Variants in DNAH14 observed in about 807,000 individuals in gnomAD.
The protein encoded by DNAH14 is axonemal beta dynein heavy chain 14.
A neutral mutation model predicts 520.9 loss-of-function variants in DNAH14; 478 were observed. The ratio of observed to expected loss-of-function variants is 0.92; its 90% CI spans 0.85 to 0.99. The LOEUF (loss-of-function observed/expected upper bound fraction) is 0.99, where lower values mean the gene tolerates loss of function less well. DNAH14 is among the 50% of genes least tolerant of loss of function. DNAH14 has a pLI of 0.00. For missense variants in DNAH14, 4,831 were observed against 5,234.5 expected (o/e 0.92, Z 2.38); for synonymous variants, 1,581 against 1,757.2 (o/e 0.90, Z 2.51).
intron 49 of DNAH14, among the ~76,000 whole-genome samples, chr1:225,268,688 A>G (rs1428244550): frequency 6.6e-6 from 1 of 152,092 alleles, no homozygotes. Flanking sequence ...CCAATAACAG[A>G]CAAACAGAGA....
chr1:225,347,633 G>A (rs2150435698), intron 71 of DNAH14, among the ~76,000 whole-genome samples: 1 of 152,300 alleles, frequency 6.6e-6, no homozygotes, highest in Non-Finnish European at 1.5e-5. Context: ...TAGACCTGCA[G>A]TTTCACAGGG....
rs2095761896 is a variant in DNAH14 at position 225,380,142 on chromosome 1, CTT to C, written c.12717-16_12717-15del. ...TTCCTGTTCTGTGTCTCATTCTTCT[CTT>C]GGTTTTTTTTGCAGACCTGAGCAGA... On this transcript the variant is annotated splice_polypyrimidine_tract_variant and intron_variant, in intron 79 of 85. Transcript: ENST00000682510. 1 of 1,541,196 alleles carries C rather than the reference CTT, an allele frequency of 6.5e-7. No homozygotes were observed. The highest frequency in any genetic ancestry group is 1.4e-5 in the African/African-American group (1 of 72,542).
intron 60 of DNAH14, among the ~76,000 whole-genome samples, chr1:225,312,474 ATAT>A (rs1359715424): frequency 7.9e-5 from 12 of 152,134 alleles, no homozygotes; most frequent in African/African-American, 2.7e-4. Flanking sequence ...AGATCTTCCA[ATAT>A]TATATTGAAT....
intron 34 of DNAH14, among the ~76,000 whole-genome samples, chr1:225,154,756 T>C (rs1019415005): frequency 1.3e-5 from 2 of 152,086 alleles, no homozygotes; most frequent in Non-Finnish European, 2.9e-5. Context: ...TATGTCCTTT[T>C]TTCTTGGAGT....
intron 71 of DNAH14, among the ~76,000 whole-genome samples, chr1:225,350,569 G>A (rs891708701): frequency 6.6e-6 from 1 of 151,834 alleles, no homozygotes. Flanking sequence ...AGAAAGGGAC[G>A]ACATTAAAGT....
intron 13 of DNAH14, among the ~76,000 whole-genome samples, chr1:225,043,405 A>C (rs777073668): frequency 3.3e-5 from 5 of 152,204 alleles, no homozygotes; most frequent in Non-Finnish European, 7.3e-5. Context: ...ATCTTAAGGT[A>C]AATACTGCTA....
chr1:225,305,127 T>C, intron 58 of DNAH14, 38 bp downstream of exon 58: 1 of 1,496,648 alleles, frequency 6.7e-7, no homozygotes, highest in Non-Finnish European at 8.8e-7. Context: ...ATATTTTATA[T>C]TGGTGTTTTT....
rs2096065908 is a variant in DNAH14 at position 225,399,229 on chromosome 1, C to T, written c.13814C>T (p.Thr4605Ile). The change falls in exon 86 of 86, where the codon ACA (threonine) becomes ATA (isoleucine). Residue 4605 changes from threonine (T) to isoleucine (I), a missense_variant. Transcript: ENST00000682510. Reference sequence around the variant, plus strand: ...AAGAAACCTCCTAGTCACTGGATCACAATGCGGGTTGCATTGCTTTGTGAG... The same window carrying T: ...AAGAAACCTCCTAGTCACTGGATCATAATGCGGGTTGCATTGCTTTGTGAG... Reference protein sequence around the residue: ...STKKPPSHWITMRVALLCEKN... With the variant: ...STKKPPSHWIIMRVALLCEKN... 2 of 1,551,654 alleles carry T rather than the reference C, an allele frequency of 1.3e-6. No homozygotes were observed. Among genetic ancestry groups the T allele is most frequent in the Non-Finnish European group, 1.7e-6 (2 of 1,146,978 alleles).
At position 225,080,597 on chromosome 1, in the gene DNAH14, C is replaced by T. The variant is rs575918059; in HGVS notation, c.2985C>T (p.Asp995=). ...VLSEISDIEG[D]LTLRKKLWEA... ...CAGAGATCTCTGACATTGAAGGTGA[C>T]TTGACTTTGAGGAAAAAACTATGGG... The change falls in exon 19 of 86, where the codon GAC becomes GAT. Residue 995 remains aspartate (D), a synonymous_variant. Coordinates refer to ENST00000682510, the MANE Select transcript of DNAH14 (RefSeq NM_001367479.1). 1 of 1,552,088 alleles carries T rather than the reference C, an allele frequency of 6.4e-7. No homozygotes were observed. The highest frequency in any genetic ancestry group is 8.7e-7 in the Non-Finnish European group (1 of 1,147,094).
At chr1:225,067,991 C>A (rs2071098002) in intron 17 of DNAH14, among the ~76,000 whole-genome samples, 2 of 152,058 alleles carry the variant, frequency 1.3e-5, no homozygotes, top group South Asian at 4.2e-4. Flanking sequence ...ATTGCAATTG[C>A]TTTTGGCATC....
intron 50 of DNAH14, among the ~76,000 whole-genome samples, chr1:225,271,523 T>TG (rs2093314965): frequency 6.6e-6 from 1 of 152,196 alleles, no homozygotes; most frequent in South Asian, 2.1e-4. Flanking sequence ...AATGTATACC[T>TG]GTATCGTCAG....
At chr1:225,003,738 A>G (rs896329920) in intron 9 of DNAH14, among the ~76,000 whole-genome samples, 5 of 152,108 alleles carry the variant, frequency 3.3e-5, no homozygotes, top group Non-Finnish European at 5.9e-5. Flanking sequence ...TTATATAGAG[A>G]ATGTTTATGT....
chr1:225,299,496 T>C (rs1340347678), intron 55 of DNAH14, among the ~76,000 whole-genome samples: 1 of 152,212 alleles, frequency 6.6e-6, no homozygotes, highest in Non-Finnish European at 1.5e-5. Context: ...TATATCTATA[T>C]ATTCTCCCTT....
intron 4 of DNAH14, among the ~76,000 whole-genome samples, chr1:224,963,116 C>T (rs2060944127): frequency 6.6e-6 from 1 of 151,950 alleles, no homozygotes; most frequent in Admixed American, 6.6e-5. Flanking sequence ...TTTTGTTCAT[C>T]TTTCTATCAA....
intron 36 of DNAH14, among the ~76,000 whole-genome samples, chr1:225,176,899 A>G (rs755089186): frequency 1.3e-5 from 2 of 152,178 alleles, no homozygotes; most frequent in Non-Finnish European, 1.5e-5. Flanking sequence ...CAAATGCAGT[A>G]AACTGGTACC....
rs2095764162 is a variant in DNAH14, at chr1:225,380,338, G to C, written c.12880+16G>C. 1 of 1,545,046 alleles carries C rather than the reference G, an allele frequency of 6.5e-7. No homozygotes were observed. Among genetic ancestry groups the C allele is most frequent in the Admixed American group, 2.0e-5 (1 of 50,004 alleles). On this transcript the variant is annotated intron_variant, in intron 80 of 85. Coordinates refer to ENST00000682510, the MANE Select transcript of DNAH14 (RefSeq NM_001367479.1). ...AATCTCAAAGGTGAGCATGGGACAG[G>C]AGCTTTTTCCCCTTACCTCACTCTC... is the stretch of plus-strand genomic sequence containing the variant.
intron 64 of DNAH14, among the ~76,000 whole-genome samples, chr1:225,327,933 G>A (rs1416905650): frequency 6.6e-6 from 1 of 152,030 alleles, no homozygotes; most frequent in African/African-American, 2.4e-5. Flanking sequence ...TAATTTAAAA[G>A]AATGAATAAA....
At chr1:225,064,805 G>A (rs1442358538) in intron 17 of DNAH14, among the ~76,000 whole-genome samples, 3 of 151,894 alleles carry the variant, frequency 2.0e-5, no homozygotes, top group Non-Finnish European at 4.4e-5. Flanking sequence ...CATCTTTCTA[G>A]GACAGTGAAG....
At chr1:225,022,750 C>A (rs1220783839) in intron 10 of DNAH14, among the ~76,000 whole-genome samples, 1 of 152,068 alleles carries the variant, frequency 6.6e-6, no homozygotes. Flanking sequence ...GGATATATAC[C>A]CAAAGGAAAA....
Sources: allele counts gnomAD v4.1 joint callset (sites outside exome capture counted in the v4.1 genomes callset), GRCh38; gene constraint gnomAD v4.1.1; transcripts MANE v1.5; gene names NCBI Gene and HGNC (gene_info 2026-07-23, HGNC 2026-07-21).